FBXL7: variants seen among roughly 807,000 people sequenced by gnomAD.
The protein encoded by FBXL7 is F-box/LRR-repeat protein 7.
In FBXL7, 12 loss-of-function variants were observed where a neutral mutation model predicts 38.3. The observed-to-expected ratio is 0.31, with a 90% confidence interval of 0.20 to 0.51. The LOEUF is 0.51. FBXL7 is among the 20% of genes least tolerant of loss of function. The pLI is 0.98. For missense variants in FBXL7, 567 were observed against 676.4 expected (o/e 0.84, Z 1.79); for synonymous variants, 297 against 300.9 (o/e 0.99, Z 0.13).
At chr5:15,533,073 A>G (rs942820039) in intron 1 of FBXL7, among the ~76,000 whole-genome samples, 1 of 152,150 alleles carries the variant, frequency 6.6e-6, no homozygotes, top group African/African-American at 2.4e-5. Context: ...GGGAGACCCG[A>G]ATGGGGATAT....
chr5:15,917,361 C>G (rs182451966), intron 2 of FBXL7, among the ~76,000 whole-genome samples: 42 of 152,162 alleles, frequency 2.8e-4, no homozygotes, highest in African/African-American at 7.9e-4. Flanking sequence ...CCTGTAATCC[C>G]AATATGTTGG....
At chr5:15,692,081 G>C (rs1328864288) in intron 2 of FBXL7, among the ~76,000 whole-genome samples, 1 of 152,166 alleles carries the variant, frequency 6.6e-6, no homozygotes, top group Non-Finnish European at 1.5e-5. Context: ...GCCAGGGCCA[G>C]AGAATGGAAG....
intron 2 of FBXL7, among the ~76,000 whole-genome samples, chr5:15,639,351 G>A (rs534656263): frequency 1.3e-5 from 2 of 152,230 alleles, no homozygotes; most frequent in African/African-American, 4.8e-5. Context: ...GGAGGGACTT[G>A]GCAGGAAATC....
chr5:15,764,176 G>T (rs183702449), intron 2 of FBXL7, among the ~76,000 whole-genome samples: 1 of 152,286 alleles, frequency 6.6e-6, no homozygotes, highest in East Asian at 1.9e-4. Context: ...CAAAGATTGA[G>T]TATCAATATG....
At chr5:15,698,157 A>G (rs1743397293) in intron 2 of FBXL7, among the ~76,000 whole-genome samples, 1 of 152,238 alleles carries the variant, frequency 6.6e-6, no homozygotes, top group African/African-American at 2.4e-5. Context: ...AAAATCACCA[A>G]GAAAAAACCA....
At chr5:15,637,561 A>G (rs1365563276) in intron 2 of FBXL7, among the ~76,000 whole-genome samples, 1 of 152,264 alleles carries the variant, frequency 6.6e-6, no homozygotes, top group Admixed American at 6.5e-5. Flanking sequence ...ACATGGCTTT[A>G]TGCGAAAGGC....
intron 2 of FBXL7, among the ~76,000 whole-genome samples, chr5:15,734,209 C>A (rs1735689187): frequency 6.6e-6 from 1 of 152,188 alleles, no homozygotes; most frequent in Non-Finnish European, 1.5e-5. Context: ...CAGCTTTCCA[C>A]AGATCCTGCT....
In FBXL7 at chr5:15,938,770, A is replaced by G. The variant is rs879765987; in HGVS notation, c.*1584A>G. ...AAACTTCAAATTATCTTATTTGGAT[A>G]GAAGTCTATATTCTAGCCTCATTTG... On this transcript the variant is annotated 3_prime_UTR_variant, in exon 4 of 4. Coordinates refer to ENST00000504595, the MANE Select transcript of FBXL7 (RefSeq NM_012304.5). 5 of 386,296 alleles carry G rather than the reference A, an allele frequency of 1.3e-5. No individual in the cohort carries two copies. In the Admixed American group the frequency reaches 2.2e-4, roughly 17 times the overall value. The allele number at this position is 386,296 out of a possible 1,614,324, so 23.9% of individuals were successfully genotyped here.
intron 2 of FBXL7, among the ~76,000 whole-genome samples, chr5:15,867,961 G>A (rs544756074): frequency 2.0e-4 from 30 of 152,208 alleles, no homozygotes; most frequent in African/African-American, 5.5e-4. Context: ...AAAATTAGCC[G>A]GGTGTGGTGG....
chr5:15,541,441 G>GTA (rs35405191), intron 1 of FBXL7, among the ~76,000 whole-genome samples: 2,003 of 52,896 alleles, frequency 0.038, 20 homozygotes, highest in Non-Finnish European at 0.051. Context: ...ATGTGTGTGT[G>GTA]TGTATATATA....
chr5:15,740,746 C>T (rs1735874728), intron 2 of FBXL7, among the ~76,000 whole-genome samples: 1 of 151,828 alleles, frequency 6.6e-6, no homozygotes, highest in Non-Finnish European at 1.5e-5. Context: ...CAGAATAAAA[C>T]CAATAGAGAA....
At chr5:15,508,480 G>A (rs1346416357) in intron 1 of FBXL7, among the ~76,000 whole-genome samples, 3 of 152,210 alleles carry the variant, frequency 2.0e-5, no homozygotes, top group Non-Finnish European at 4.4e-5. Context: ...AATGATTAGA[G>A]CTGCCCAAAT....
At chr5:15,612,125 C>T (rs1235465336) in intron 1 of FBXL7, among the ~76,000 whole-genome samples, 1 of 152,016 alleles carries the variant, frequency 6.6e-6, no homozygotes, top group Non-Finnish European at 1.5e-5. Flanking sequence ...CAATCCACCC[C>T]CCCAAGAAAC....
At chr5:15,711,186 G>T (rs1743856386) in intron 2 of FBXL7, among the ~76,000 whole-genome samples, 1 of 152,170 alleles carries the variant, frequency 6.6e-6, no homozygotes. Flanking sequence ...CCAGTCTCTG[G>T]TATGTCTTTA....
At chr5:15,544,570 A>G (rs1737848796) in intron 1 of FBXL7, among the ~76,000 whole-genome samples, 1 of 152,120 alleles carries the variant, frequency 6.6e-6, no homozygotes. Flanking sequence ...ACACACACAC[A>G]CACATCCCCC....
At position 15,636,064 on chromosome 5, in the gene FBXL7, C is replaced by G. The variant is rs762450326; in HGVS notation, c.127+19992C>G. Among the ~76,000 whole-genome samples, 8 of 151,528 alleles carry G rather than the reference C, an allele frequency of 5.3e-5. No homozygotes were observed. In the East Asian group the frequency reaches 1.3e-3, roughly 26 times the overall value. On this transcript the variant is annotated intron_variant, in intron 2 of 3. Coordinates refer to ENST00000504595, the MANE Select transcript of FBXL7 (RefSeq NM_012304.5). ...TAACAAATTAACATTACTGCACCAT[C>G]CACACGAGTGGGCAATGGGCTTGGC...
intron 1 of FBXL7, among the ~76,000 whole-genome samples, chr5:15,529,727 G>T (rs1737365859): frequency 6.6e-6 from 1 of 152,160 alleles, no homozygotes; most frequent in South Asian, 2.1e-4. Flanking sequence ...ATAGTTGCAA[G>T]AATATTATCT....
chr5:15,644,770 T>A (rs562256916), intron 2 of FBXL7, among the ~76,000 whole-genome samples: 1 of 152,248 alleles, frequency 6.6e-6, no homozygotes, highest in Admixed American at 6.5e-5. Flanking sequence ...ACAGAGAACC[T>A]AGTGTATGCA....
intron 2 of FBXL7, among the ~76,000 whole-genome samples, chr5:15,774,673 GA>G (rs1287449936): frequency 6.6e-6 from 1 of 152,196 alleles, no homozygotes; most frequent in East Asian, 1.9e-4. Flanking sequence ...GATTGAAGAA[GA>G]ATCTTGATAT....
Sources: allele counts gnomAD v4.1 joint callset (sites outside exome capture counted in the v4.1 genomes callset), GRCh38; gene constraint gnomAD v4.1.1; transcripts MANE v1.5; gene names NCBI Gene and HGNC (gene_info 2026-07-23, HGNC 2026-07-21).